The following PXMP4 variants were observed in gnomAD, a reference collection of about 807,000 sequenced individuals.
The protein encoded by PXMP4 is 24 kDa peroxisomal intrinsic membrane protein.
A neutral mutation model predicts 21.6 loss-of-function variants in PXMP4; 16 were observed. The ratio of observed to expected loss-of-function variants is 0.74; its 90% CI spans 0.50 to 1.13. PXMP4 has a LOEUF of 1.13. Ranked by LOEUF, PXMP4 falls within the 50% of genes most tolerant of loss-of-function variation. The pLI, the probability that PXMP4 is intolerant of heterozygous loss-of-function variation, is 0.00. For missense variants in PXMP4, 240 were observed against 277.7 expected (o/e 0.86, Z 0.96); for synonymous variants, 127 against 123.8 (o/e 1.03, Z -0.17).
Position 33,720,195 on chromosome 20 carries a change from G to T in PXMP4, c.13C>A (p.Pro5Thr). 1 of 1,610,480 alleles carries T rather than the reference G, an allele frequency of 6.2e-7. No homozygotes were observed. Among genetic ancestry groups the T allele is most frequent in the Non-Finnish European group, 8.5e-7 (1 of 1,178,934 alleles). The change falls in exon 1 of 4, where the codon CCG becomes ACG. Residue 5 changes from proline to threonine, a missense_variant. By Grantham distance (38) the Pro-to-Thr change is conservative (BLOSUM62 -1). Coordinates refer to ENST00000409299, the MANE Select transcript of PXMP4 (RefSeq NM_007238.5). MAAPPQLRALLVVVN... is the reference protein window; with the variant it reads MAAPTQLRALLVVVN... ...ACTACGAGCAGAGCCCTTAGCTGCG[G>T]CGGGGCTGCCATAGTGCGGGCTGCG...
chr20:33,709,290 G>A (rs2018296604), intron 3 of PXMP4, among the ~76,000 whole-genome samples: 1 of 152,092 alleles, frequency 6.6e-6, no homozygotes, highest in South Asian at 2.1e-4. Flanking sequence ...GAGTAAGACT[G>A]TCTCAACAAA....
chr20:33,708,773 C>T (rs995886654), intron 3 of PXMP4, among the ~76,000 whole-genome samples: 13 of 151,984 alleles, frequency 8.6e-5, no homozygotes, highest in African/African-American at 2.9e-4. Flanking sequence ...TCACTGCAAC[C>T]TCTGCCTCCC....
rs369329951 is a variant in PXMP4, at chr20:33,710,795, C to T, written c.177-42G>A. ...GCCCCTGCCATGAGTGCAGGCTCAG[C>T]AGCCCCAAAGGGCTTTTACGCACTG... is the stretch of plus-strand genomic sequence containing the variant. On this transcript the variant is annotated intron_variant, in intron 2 of 3. Coordinates refer to ENST00000409299, the MANE Select transcript of PXMP4 (RefSeq NM_007238.5). 7.9e-6 allele frequency: 12 copies of T among 1,528,574 alleles called. No individual in the cohort carries two copies. In the African/African-American group the frequency reaches 1.4e-4, roughly 18 times the overall value. 94.7% of individuals were successfully genotyped at this position (1,528,574 alleles called of 1,614,324 possible).
chr20:33,709,952 T>C (rs1203665384), intron 3 of PXMP4, among the ~76,000 whole-genome samples: 147 of 70,892 alleles, frequency 2.1e-3, no homozygotes, highest in Middle Eastern at 0.013. Flanking sequence ...ACGCCCTTTC[T>C]CCCACTCCTA....
chr20:33,720,180 G>C lies in PXMP4; in HGVS notation c.28C>G (p.Leu10Val), dbSNP rs2018435392. ...AGCAGTGCGTTGACGACTACGAGCA[G>C]AGCCCTTAGCTGCGGCGGGGCTGCC... is the stretch of plus-strand genomic sequence containing the variant. MAAPPQLRA[L>V]LVVVNALLRK... Residue 10 changes from leucine (L) to valine (V), a missense_variant, in exon 1 of 4, where the codon CTG becomes GTG. By Grantham distance (32) the Leu-to-Val change is conservative. Coordinates refer to ENST00000409299, the MANE Select transcript of PXMP4 (RefSeq NM_007238.5). 1.2e-6 allele frequency: 2 copies of C among 1,613,146 alleles called. No homozygotes were observed. Among genetic ancestry groups the C allele is most frequent in the Non-Finnish European group, 1.7e-6 (2 of 1,179,814 alleles).
In PXMP4 at chr20:33,706,889, T is replaced by C. The variant is rs1025709552; in HGVS notation, c.*817A>G. ...TTTGTGTTAAAATATATAGTGAAGA[T>C]TAATCTCACCTTTTTTTTTTCTTTG... is the stretch of plus-strand genomic sequence containing the variant. On this transcript the variant is annotated 3_prime_UTR_variant, in exon 4 of 4. Transcript: ENST00000409299. 2.6e-5 allele frequency: 4 copies of C among 152,166 alleles called. No individual in the cohort carries two copies. The highest frequency in any genetic ancestry group is 5.9e-5 in the Non-Finnish European group (4 of 68,038). The allele number at this position is 152,166 out of a possible 1,614,324, so 9.4% of individuals were successfully genotyped here. A position where few individuals can be genotyped will look rare whatever the true frequency, so the allele number is the denominator to read the frequency against.
Position 33,703,036 on chromosome 20 carries a change from G to C in PXMP4, c.*4670C>G, listed in dbSNP as rs577598481. 6.6e-5 allele frequency: 10 copies of C among 152,378 alleles called. No homozygotes were observed. In the East Asian group the frequency reaches 1.9e-3, roughly 29 times the overall value. 9.4% of individuals were successfully genotyped at this position (152,378 alleles called of 1,614,324 possible). A position where few individuals can be genotyped will look rare whatever the true frequency, so the allele number is the denominator to read the frequency against. Reference sequence around the variant, plus strand: ...AGACCACACTGCCTTCCTCCCTGGAGTGTGCAGTTGGAAGCACCAGATGCT... The same window carrying C: ...AGACCACACTGCCTTCCTCCCTGGACTGTGCAGTTGGAAGCACCAGATGCT... On this transcript the variant is annotated 3_prime_UTR_variant, in exon 4 of 4. Coordinates refer to ENST00000409299, the MANE Select transcript of PXMP4 (RefSeq NM_007238.5).
rs2018230362 is a variant in PXMP4, at chr20:33,703,847, T to TA, written c.*3858dup. On this transcript the variant is annotated 3_prime_UTR_variant, in exon 4 of 4. Transcript: ENST00000409299. ...GGCAAAGGAGGCACCAGTGACAAGC[T>TA]AGAGTCCTCAGGCAGAAAGACAGAG... 1 of 152,324 alleles carries TA rather than the reference T, an allele frequency of 6.6e-6. No homozygotes were observed. The highest frequency in any genetic ancestry group is 1.5e-5 in the Non-Finnish European group (1 of 68,160). The allele number at this position is 152,324 out of a possible 1,614,324, so 9.4% of individuals were successfully genotyped here.
chr20:33,712,909 A>G (rs2018345932), intron 2 of PXMP4, among the ~76,000 whole-genome samples: 1 of 152,160 alleles, frequency 6.6e-6, no homozygotes, highest in Non-Finnish European at 1.5e-5. Flanking sequence ...GATTACAGGC[A>G]TGAGCCACTG....
In PXMP4 at chr20:33,714,825, C is replaced by G. The variant is rs566916115; in HGVS notation, c.114-89G>C. 6.9e-6 allele frequency: 9 copies of G among 1,309,700 alleles called. No individual in the cohort carries two copies. The Admixed American group carries it at 1.2e-4, about 17-fold the overall frequency. The allele number at this position is 1,309,700 out of a possible 1,614,324, so 81.1% of individuals were successfully genotyped here. A position where few individuals can be genotyped will look rare whatever the true frequency, so the allele number is the denominator to read the frequency against. Reference sequence around the variant, plus strand: ...CCTTTTGACCCCTTGTTCTCTCCCCCCATCCCAAATTCTAACACCACTTTG... The same window carrying G: ...CCTTTTGACCCCTTGTTCTCTCCCCGCATCCCAAATTCTAACACCACTTTG... On this transcript the variant is annotated intron_variant, in intron 1 of 3. Coordinates refer to ENST00000409299, the MANE Select transcript of PXMP4 (RefSeq NM_007238.5).
intron 1 of PXMP4, among the ~76,000 whole-genome samples, chr20:33,716,063 C>T (rs1038930975): frequency 3.3e-5 from 5 of 151,736 alleles, no homozygotes; most frequent in African/African-American, 7.3e-5. Flanking sequence ...AGGCTGGTCT[C>T]GAACTCCCGA....
rs149776326 is a variant in PXMP4 at position 33,715,723 on chromosome 20, C to T, written c.114-987G>A. ...ATTACAGGCGTGAGCCACTGTGCCC[C>T]GCCCCATAATTTTGATGGAAGGAGA... On this transcript the variant is annotated intron_variant, in intron 1 of 3. Coordinates refer to ENST00000409299, the MANE Select transcript of PXMP4 (RefSeq NM_007238.5). Among the ~76,000 whole-genome samples, 568 of 149,974 alleles carry T rather than the reference C, an allele frequency of 3.8e-3. 3 individuals are homozygous for T. The highest frequency in any genetic ancestry group is 0.013 in the African/African-American group (543 of 40,818).
At chr20:33,708,084 GT>G in intron 3 of PXMP4, 115 bp from the exon 4 acceptor site, 1 of 1,236,168 alleles carries the variant, frequency 8.1e-7, no homozygotes, top group Non-Finnish European at 1.1e-6. Context: ...CTGGCTAGGG[GT>G]TTATTTATTT....
rs140170761 is a variant in PXMP4, at chr20:33,711,763, G to A, written c.177-1010C>T. On this transcript the variant is annotated intron_variant, in intron 2 of 3. Transcript: ENST00000409299. ...TCCCAGCACTTCGAGAGGTCAACAC[G>A]GGCAGATCCCTTGAGCCCAGGAGTT... Among the ~76,000 whole-genome samples, 20 of 152,058 alleles carry A rather than the reference G, an allele frequency of 1.3e-4. No homozygotes were observed. The East Asian group carries it at 3.3e-3, about 25-fold the overall frequency.
chr20:33,713,096 C>T (rs1169608435), intron 2 of PXMP4, among the ~76,000 whole-genome samples: 1 of 152,242 alleles, frequency 6.6e-6, no homozygotes, highest in Non-Finnish European at 1.5e-5. Context: ...GCTGTTAACA[C>T]ATAAGTCAAA....
rs6141417 is a variant in PXMP4 at position 33,715,674 on chromosome 20, G to A, written c.114-938C>T. ...ACTCCTGAGCTCAGGTGATCTGCCC[G>A]CCTTGGCCTCCTAAAGTGCTGGGAT... On this transcript the variant is annotated intron_variant, in intron 1 of 3. Coordinates refer to ENST00000409299, the MANE Select transcript of PXMP4 (RefSeq NM_007238.5). Among the ~76,000 whole-genome samples, 305 of 151,202 alleles carry A rather than the reference G, an allele frequency of 2.0e-3. 7 individuals are homozygous for A. In the East Asian group the frequency reaches 0.054, roughly 27 times the overall value.
intron 1 of PXMP4, among the ~76,000 whole-genome samples, chr20:33,718,365 G>A (rs1250983973): frequency 1.3e-5 from 2 of 151,800 alleles, no homozygotes; most frequent in Admixed American, 6.6e-5. Context: ...AAAAAAATTA[G>A]CCGGGCGTGG....
At chr20:33,710,157 C>T (rs1352294042) in intron 3 of PXMP4, among the ~76,000 whole-genome samples, 6 of 140,998 alleles carry the variant, frequency 4.3e-5, no homozygotes, top group East Asian at 2.2e-4. Context: ...TCCAGAACCA[C>T]GCCCTTTCCC....
Position 33,714,679 on chromosome 20 carries a change from A to G in PXMP4, c.171T>C (p.Asn57=). Residue 57 remains asparagine, a synonymous_variant, in exon 2 of 4, where the codon AAT becomes AAC. Transcript: ENST00000409299. ...HALVMTFLFR[N]GSLQEKLWAI... ...CCAGTTTGAGGGATGTGTACCTGCC[A>G]TTCCGGAAGAGAAAGGTCATGACCA... The G allele has an allele frequency of 6.2e-7, 1 of 1,613,288 alleles. No homozygotes were observed. Among genetic ancestry groups the G allele is most frequent in the Non-Finnish European group, 8.5e-7 (1 of 1,179,208 alleles).
Sources: gnomAD v4.1 joint callset for allele counts (sites outside exome capture counted in the v4.1 genomes callset) on GRCh38, gnomAD v4.1.1 for gene constraint, MANE v1.5 for transcripts, NCBI Gene and HGNC (gene_info 2026-07-23, HGNC 2026-07-21) for gene names.